ELMOD3: variants seen among roughly 807,000 people sequenced by gnomAD.
ELMOD3 encodes the protein ELMO domain containing 3, also known as ELMO domain-containing protein 3.
A neutral mutation model predicts 47.4 loss-of-function variants in ELMOD3; 36 were observed. The observed-to-expected ratio is 0.76, with a 90% CI of 0.58 to 1.00. ELMOD3 has a LOEUF of 1.00. Ranked by LOEUF, ELMOD3 falls within the 50% of genes least tolerant of loss-of-function variation. The pLI, the probability that ELMOD3 is intolerant of heterozygous loss-of-function variation, is 0.00. For synonymous variants in ELMOD3, 149 were observed against 183.5 expected (o/e 0.81, Z 1.52); for missense variants, 404 against 463.8 (o/e 0.87, Z 1.18).
intron 11 of ELMOD3, among the ~76,000 whole-genome samples, chr2:85,383,263 G>C (rs539504821): frequency 4.6e-4 from 70 of 151,370 alleles, no homozygotes; most frequent in Middle Eastern, 3.2e-3. Context: ...TGAGTAGCTG[G>C]GGTTACAGGC....
At chr2:85,375,165 C>T (rs1685082583) in intron 10 of ELMOD3, among the ~76,000 whole-genome samples, 1 of 152,174 alleles carries the variant, frequency 6.6e-6, no homozygotes, top group Non-Finnish European at 1.5e-5. Context: ...ATTTGGGCCT[C>T]TCCTGTTTGA....
At chr2:85,390,075 G>A (rs772242925) in intron 12 of ELMOD3, 63 bp from the exon 13 acceptor site, 2 of 1,496,420 alleles carry the variant, frequency 1.3e-6, no homozygotes, top group South Asian at 2.3e-5. Context: ...AGGAAGGCGG[G>A]AGGGAACCTA....
chr2:85,388,002 A>G (rs1686058664), intron 11 of ELMOD3, among the ~76,000 whole-genome samples: 1 of 152,200 alleles, frequency 6.6e-6, no homozygotes, highest in African/African-American at 2.4e-5. Flanking sequence ...CCAATCAGGG[A>G]AGCTCATTAG....
rs7340198 is a variant in ELMOD3, at chr2:85,368,798, G to C, written c.268+44G>C. ...CTGTCTCCCCATAGCCCCTCTGCCA[G>C]CAAAGGCACCATCCACACATGTGGC... On this transcript the variant is annotated intron_variant, in intron 7 of 13. Transcript: ENST00000409013. 7,202 of 1,602,072 alleles carry C rather than the reference G, an allele frequency of 4.5e-3. 251 individuals carry two copies. In the African/African-American group the frequency reaches 0.082, roughly 18 times the overall value.
At chr2:85,365,779 T>G (rs1014046462) in intron 6 of ELMOD3, among the ~76,000 whole-genome samples, 1 of 152,202 alleles carries the variant, frequency 6.6e-6, no homozygotes, top group African/African-American at 2.4e-5. Context: ...TCACAGACTT[T>G]GATCAAGCTG....
At chr2:85,384,788 T>C (rs1487123127) in intron 11 of ELMOD3, among the ~76,000 whole-genome samples, 1 of 152,130 alleles carries the variant, frequency 6.6e-6, no homozygotes, top group Non-Finnish European at 1.5e-5. Flanking sequence ...AAAACAAATT[T>C]GACCTGTTTC....
intron 6 of ELMOD3, 104 bp from the exon 7 acceptor site, chr2:85,368,582 A>T: frequency 1.4e-5 from 6 of 440,822 alleles, no homozygotes; most frequent in South Asian, 4.5e-5. Flanking sequence ...CCCATCTCTT[A>T]AAAAAAAAAA....
intron 3 of ELMOD3, chr2:85,356,446 TG>T (rs1418236286): frequency 6.6e-6 from 1 of 152,324 alleles, no homozygotes; most frequent in African/African-American, 2.4e-5. Context: ...TCCCTTCTAG[TG>T]GTGCTGCTGC....
chr2:85,387,231 T>C, intron 11 of ELMOD3: 1 of 1,163,700 alleles, frequency 8.6e-7, no homozygotes, highest in South Asian at 1.7e-5. Flanking sequence ...TTGAGGCAAG[T>C]ATAATAACGA....
At position 85,371,468 on chromosome 2, in the gene ELMOD3, T is replaced by C; in HGVS notation, c.513T>C (p.His171=). 2 of 1,614,232 alleles carry C rather than the reference T, an allele frequency of 1.2e-6. No homozygotes were observed. Among genetic ancestry groups the C allele is most frequent in the Non-Finnish European group, 1.7e-6 (2 of 1,180,042 alleles). The change falls in exon 10 of 14, where the codon CAT becomes CAC. Residue 171 remains histidine (H), a synonymous_variant. Transcript: ENST00000409013. ...GCCTGGATAGCCAAGACCCAGTGCA[T>C]GGCCGAGTCCTCCAGACCATCTATA... ...QCGLDSQDPV[H]GRVLQTIYKK...
At chr2:85,383,880 G>C (rs940537813) in intron 11 of ELMOD3, among the ~76,000 whole-genome samples, 1 of 152,222 alleles carries the variant, frequency 6.6e-6, no homozygotes, top group African/African-American at 2.4e-5. Context: ...ATGCGCACCT[G>C]TGACACAGCC....
chr2:85,371,306 G>A lies in ELMOD3; in HGVS notation c.484+97G>A, dbSNP rs548659210. The A allele has an allele frequency of 1.4e-5, 23 of 1,604,750 alleles. No homozygotes were observed. In the East Asian group the frequency reaches 2.5e-4, roughly 17 times the overall value. On this transcript the variant is annotated intron_variant, in intron 9 of 13. Coordinates refer to ENST00000409013, the MANE Select transcript of ELMOD3 (RefSeq NM_001135022.2). ...TGAGGCTAAGCCAGGAATATTGCAT[G>A]TACCATGGTTGGCGGGTGAGAGTGG...
intron 5 of ELMOD3, among the ~76,000 whole-genome samples, chr2:85,362,597 A>G (rs1684062149): frequency 6.6e-6 from 1 of 152,172 alleles, no homozygotes. Context: ...TCCACATCAT[A>G]GTTAAAGTTT....
chr2:85,379,712 C>T (rs577006020), intron 11 of ELMOD3, among the ~76,000 whole-genome samples: 3 of 152,116 alleles, frequency 2.0e-5, no homozygotes, highest in Non-Finnish European at 4.4e-5. Flanking sequence ...TAATACTTAG[C>T]CAGATTATTT....
intron 2 of ELMOD3, 187 bp downstream of exon 2, chr2:85,355,357 A>G (rs1028852844): frequency 2.6e-5 from 4 of 152,156 alleles, no homozygotes; most frequent in Non-Finnish European, 2.9e-5. Flanking sequence ...TTAAATTCCT[A>G]TGCAGAGAAT....
rs1199637668 is a variant in ELMOD3 at position 85,384,878 on chromosome 2, T to A, written c.739-4873T>A. ...TGAATATTTTTTCAGCATCCCTTGG[T>A]GCTATTCTTCTTGGTACTTGGGATA... is the stretch of plus-strand genomic sequence containing the variant. On this transcript the variant is annotated intron_variant, in intron 11 of 13. Coordinates refer to ENST00000409013, the MANE Select transcript of ELMOD3 (RefSeq NM_001135022.2). 2.6e-5 allele frequency among the ~76,000 whole-genome samples: 4 copies of A among 152,328 alleles called. No individual in the cohort carries two copies. In the East Asian group the frequency reaches 7.7e-4, roughly 29 times the overall value.
chr2:85,362,324 C>T (rs1427212562), intron 5 of ELMOD3, 64 bp downstream of exon 5: 1 of 1,028,390 alleles, frequency 9.7e-7, no homozygotes, highest in Non-Finnish European at 1.5e-6. Flanking sequence ...CTGTGTGGTG[C>T]CAGAACTGTG....
rs1458410395 is a variant in ELMOD3, at chr2:85,390,814, T to C, written c.998T>C (p.Leu333Pro). Reference sequence around the variant, plus strand: ...CGGCGGCTGCTCAAGACCCTGGAGCTGTACTTGGCCAGGGTGTCAAAGGGA... The same window carrying C: ...CGGCGGCTGCTCAAGACCCTGGAGCCGTACTTGGCCAGGGTGTCAAAGGGA... ...SPRRLLKTLE[L>P]YLARVSKGQA... The change falls in exon 14 of 14, where the codon CTG becomes CCG. Residue 333 changes from leucine to proline, a missense_variant. By Grantham distance (98) the Leu-to-Pro change is moderately conservative (BLOSUM62 -3). Coordinates refer to ENST00000409013, the MANE Select transcript of ELMOD3 (RefSeq NM_001135022.2). The C allele has an allele frequency of 6.4e-7, 1 of 1,551,586 alleles. No homozygotes were observed. The highest frequency in any genetic ancestry group is 2.0e-5 in the Admixed American group (1 of 50,998).
chr2:85,381,377 C>T (rs1024178492), intron 11 of ELMOD3, among the ~76,000 whole-genome samples: 4 of 152,116 alleles, frequency 2.6e-5, no homozygotes, highest in East Asian at 1.9e-4. Context: ...TCCTTGAGAG[C>T]GGAGACTTGA....
Sources: allele counts gnomAD v4.1 joint callset (sites outside exome capture counted in the v4.1 genomes callset), GRCh38; gene constraint gnomAD v4.1.1; transcripts MANE v1.5; gene names NCBI Gene and HGNC (gene_info 2026-07-23, HGNC 2026-07-21).